The following SORCS2 variants were observed in gnomAD, a reference collection of about 807,000 sequenced individuals.
SORCS2 encodes the protein sortilin related VPS10 domain containing receptor 2.
In SORCS2, 100 loss-of-function variants were observed where a neutral mutation model predicts 141.6. The observed-to-expected ratio is 0.71, with a 90% CI of 0.60 to 0.83. The LOEUF (loss-of-function observed/expected upper bound fraction) is 0.83. Ranked by LOEUF, SORCS2 falls within the 40% of genes least tolerant of loss-of-function variation. The probability of loss-of-function intolerance (pLI) is 0.00; values close to 1 mark genes in which losing one functional copy is unlikely to be tolerated. For synonymous variants in SORCS2, 789 were observed against 676.9 expected (o/e 1.17, Z -2.57); for missense variants, 1,646 against 1,560.2 (o/e 1.05, Z -0.93).
At chr4:7,696,515 G>A (rs2109001558) in intron 11 of SORCS2, among the ~76,000 whole-genome samples, 1 of 152,258 alleles carries the variant, frequency 6.6e-6, no homozygotes, top group Non-Finnish European at 1.5e-5. Flanking sequence ...ACATGAGGTT[G>A]GCTTGGATGC....
chr4:7,309,958 G>A (rs1034737522), intron 1 of SORCS2, among the ~76,000 whole-genome samples: 8 of 152,248 alleles, frequency 5.3e-5, no homozygotes, highest in African/African-American at 1.7e-4. Context: ...CAGAATGGGG[G>A]TTCAAGGAGC....
intron 3 of SORCS2, among the ~76,000 whole-genome samples, chr4:7,547,734 C>T (rs1050962858): frequency 1.3e-5 from 2 of 152,224 alleles, no homozygotes; most frequent in East Asian, 1.9e-4. Flanking sequence ...ACCAGTTTGC[C>T]GTGAGACCTG....
intron 2 of SORCS2, among the ~76,000 whole-genome samples, chr4:7,418,125 C>T (rs1265105415): frequency 6.6e-6 from 1 of 152,162 alleles, no homozygotes; most frequent in Non-Finnish European, 1.5e-5. Context: ...TTCCCTTCCT[C>T]CTTCCCTTTT....
intron 1 of SORCS2, among the ~76,000 whole-genome samples, chr4:7,387,646 C>T (rs797011026): frequency 1.9e-3 from 209 of 107,954 alleles, no homozygotes; most frequent in African/African-American, 5.9e-3. Flanking sequence ...CACACACATG[C>T]CCACCATACA....
At chr4:7,349,620 A>T (rs1720827548) in intron 1 of SORCS2, among the ~76,000 whole-genome samples, 1 of 152,194 alleles carries the variant, frequency 6.6e-6, no homozygotes, top group Non-Finnish European at 1.5e-5. Context: ...TTCGCCACCC[A>T]GTGAGGGCTT....
intron 1 of SORCS2, among the ~76,000 whole-genome samples, chr4:7,220,786 C>T (rs1311123057): frequency 1.3e-5 from 2 of 152,152 alleles, no homozygotes; most frequent in Non-Finnish European, 2.9e-5. Context: ...CTTCCCAAGG[C>T]CAAGCTTGGT....
intron 2 of SORCS2, among the ~76,000 whole-genome samples, chr4:7,525,831 A>G (rs1733643713): frequency 1.3e-5 from 1 of 78,870 alleles, no homozygotes; most frequent in African/African-American, 5.2e-5. Flanking sequence ...CTGTCCCCTC[A>G]GTCACCTGGG....
Position 7,525,898 on chromosome 4 carries a change from T to TCCC in SORCS2, c.549-5631_549-5630insCCC, listed in dbSNP as rs1457561600. Among the ~76,000 whole-genome samples the TCCC allele has an allele frequency of 1.0e-3, 108 of 104,188 alleles. 4 individuals are homozygous for TCCC. Among genetic ancestry groups the TCCC allele is most frequent in the African/African-American group, 3.4e-3 (80 of 23,832 alleles). 68.4% of individuals were successfully genotyped at this position (104,188 alleles called of 152,430 possible). ...CACCTGTCCCCTCCTCAGTCACCTGTCTCCTCCTGCAGTCACCTGTCCCCT... is the reference window on the plus strand; with the variant it reads ...CACCTGTCCCCTCCTCAGTCACCTGTCCCCTCCTCCTGCAGTCACCTGTCCCCT... On this transcript the variant is annotated intron_variant, in intron 2 of 26. Coordinates refer to ENST00000507866, the MANE Select transcript of SORCS2 (RefSeq NM_020777.3).
intron 1 of SORCS2, among the ~76,000 whole-genome samples, chr4:7,219,997 A>G (rs1047709557): frequency 3.9e-5 from 6 of 152,226 alleles, no homozygotes; most frequent in Admixed American, 1.3e-4. Context: ...GAGGCCAGGA[A>G]TTTGTGTCAT....
chr4:7,414,166 C>G (rs1012750418), intron 2 of SORCS2, among the ~76,000 whole-genome samples: 1 of 152,204 alleles, frequency 6.6e-6, no homozygotes, highest in African/African-American at 2.4e-5. Context: ...TAGGCATCAA[C>G]AATTCAGACT....
chr4:7,381,938 C>T lies in SORCS2; in HGVS notation c.481-14350C>T, dbSNP rs530930740. 1.8e-5 allele frequency: 18 copies of T among 986,442 alleles called. No homozygotes were observed. In the South Asian group the frequency reaches 6.1e-4, roughly 33 times the overall value. 61.1% of individuals were successfully genotyped at this position (986,442 alleles called of 1,614,324 possible). ...CAGAATGACCAGGCACCAAGCTCTC[C>T]ATTCCACTAGCCTCTCTGGGCCAGG... On this transcript the variant is annotated intron_variant, in intron 1 of 26. Transcript: ENST00000507866.
intron 10 of SORCS2, among the ~76,000 whole-genome samples, chr4:7,686,731 G>T (rs1160823022): frequency 6.6e-6 from 1 of 152,254 alleles, no homozygotes; most frequent in Non-Finnish European, 1.5e-5. Context: ...AAGCCTGCCG[G>T]CATTGCCCTT....
chr4:7,338,397 ATGGTTGGATGTCGGT>A (rs766809989), intron 1 of SORCS2, among the ~76,000 whole-genome samples: 9 of 138,782 alleles, frequency 6.5e-5, no homozygotes, highest in African/African-American at 2.2e-4. Flanking sequence ...GGATGGATGG[ATGGTTGGATGTCGGT>A]TGGATGGAAG....
At chr4:7,347,181 T>C (rs1358353083) in intron 1 of SORCS2, among the ~76,000 whole-genome samples, 1 of 152,212 alleles carries the variant, frequency 6.6e-6, no homozygotes, top group East Asian at 1.9e-4. Context: ...AGGCAGCTCC[T>C]TCAAGCCTTT....
At chr4:7,708,534 G>C (rs1193057625) in intron 14 of SORCS2, among the ~76,000 whole-genome samples, 1 of 152,182 alleles carries the variant, frequency 6.6e-6, no homozygotes, top group African/African-American at 2.4e-5. Flanking sequence ...CTTCTGGGTG[G>C]TCTTGTCCTT....
chr4:7,302,452 C>T (rs1002579537), intron 1 of SORCS2, among the ~76,000 whole-genome samples: 7 of 152,192 alleles, frequency 4.6e-5, no homozygotes, highest in South Asian at 2.1e-4. Context: ...CTGCCCAGAA[C>T]GCCCTCCCTG....
chr4:7,291,596 G>A (rs966464360), intron 1 of SORCS2, among the ~76,000 whole-genome samples: 14 of 152,180 alleles, frequency 9.2e-5, no homozygotes, highest in African/African-American at 1.4e-4. Context: ...CAGCGTGAGC[G>A]TCAGTGCTCG....
chr4:7,317,560 C>G (rs551372383), intron 1 of SORCS2, among the ~76,000 whole-genome samples: 7 of 152,306 alleles, frequency 4.6e-5, no homozygotes, highest in East Asian at 1.9e-4. Context: ...CCCCGCCTCC[C>G]TCCAAGGAGC....
At chr4:7,422,797 C>G (rs1726169561) in intron 2 of SORCS2, among the ~76,000 whole-genome samples, 1 of 152,194 alleles carries the variant, frequency 6.6e-6, no homozygotes, top group Non-Finnish European at 1.5e-5. Context: ...AGAGTCCGTT[C>G]CAACACCAAA....
Sources: allele counts gnomAD v4.1 joint callset (sites outside exome capture counted in the v4.1 genomes callset), GRCh38; gene constraint gnomAD v4.1.1; transcripts MANE v1.5; gene names NCBI Gene and HGNC (gene_info 2026-07-23, HGNC 2026-07-21).